Variants in RNF130 observed in about 807,000 individuals in gnomAD.
RNF130 encodes ring finger protein 130.
A neutral mutation model predicts 44.6 loss-of-function variants in RNF130; 21 were observed. That is an observed-to-expected ratio of 0.47 (90% confidence interval 0.33 to 0.68). RNF130 has a LOEUF of 0.68. RNF130 is among the 30% of genes least tolerant of loss of function. The pLI, the probability that RNF130 is intolerant of heterozygous loss-of-function variation, is 0.02. For missense variants in RNF130, 479 were observed against 560.6 expected, an observed-to-expected ratio of 0.85 and a Z score of 1.47; for synonymous variants, 214 against 210.4, an observed-to-expected ratio of 1.02 and a Z score of -0.15.
intron 7 of RNF130, among the ~76,000 whole-genome samples, chr5:179,935,606 C>G (rs1401823815): frequency 2.0e-5 from 3 of 151,950 alleles, no homozygotes; most frequent in Non-Finnish European, 2.9e-5. Context: ...GGACTTAAAT[C>G]CATAATTACA....
intron 7 of RNF130, among the ~76,000 whole-genome samples, chr5:179,940,290 G>A (rs1043580976): frequency 3.0e-4 from 45 of 150,792 alleles, no homozygotes; most frequent in African/African-American, 1.1e-3. Context: ...GTGCGATCTC[G>A]GCTCACTGCA....
chr5:180,060,095 G>C (rs1423017504), intron 1 of RNF130, among the ~76,000 whole-genome samples: 2 of 152,202 alleles, frequency 1.3e-5, no homozygotes, highest in Non-Finnish European at 2.9e-5. Context: ...AACACAGGCA[G>C]CTTCTACAAG....
intron 3 of RNF130, among the ~76,000 whole-genome samples, chr5:179,991,534 G>T (rs77406634): frequency 0.038 from 5,761 of 152,158 alleles, 143 homozygotes; most frequent in South Asian, 0.1. Flanking sequence ...TTGTTCTTTT[G>T]AAGTTTTTCT....
intron 7 of RNF130, among the ~76,000 whole-genome samples, chr5:179,926,656 AAAAT>A (rs1204168177): frequency 1.3e-5 from 2 of 152,170 alleles, no homozygotes; most frequent in Non-Finnish European, 2.9e-5. Context: ...TCAAAAAAAT[AAAAT>A]AAATAAATAA....
intron 2 of RNF130, among the ~76,000 whole-genome samples, chr5:180,033,338 ATTTCTT>A (rs1175747459): frequency 6.6e-6 from 1 of 152,156 alleles, no homozygotes; most frequent in Non-Finnish European, 1.5e-5. Flanking sequence ...CAATTCTTAC[ATTTCTT>A]TTTAACAAGT....
At chr5:180,040,420 A>G in intron 2 of RNF130, 33 bp downstream of exon 2, 1 of 1,588,498 alleles carries the variant, frequency 6.3e-7, no homozygotes, top group Non-Finnish European at 8.6e-7. Flanking sequence ...TCTAAGAAGA[A>G]AAACAAAATC....
intron 7 of RNF130, among the ~76,000 whole-genome samples, chr5:179,934,810 C>T (rs927573008): frequency 2.0e-5 from 3 of 152,068 alleles, no homozygotes; most frequent in Non-Finnish European, 4.4e-5. Context: ...TCCCGGGTCA[C>T]GTAATTCCAG....
In RNF130 at chr5:179,955,670, C is replaced by A; in HGVS notation, c.1245-1G>T. 1 of 1,580,152 alleles carries A rather than the reference C, an allele frequency of 6.3e-7. No homozygotes were observed. Among genetic ancestry groups the A allele is most frequent in the Non-Finnish European group, 8.6e-7 (1 of 1,164,212 alleles). On this transcript the variant is annotated splice_acceptor_variant, in intron 8 of 8. Coordinates refer to ENST00000521389, the MANE Select transcript of RNF130 (RefSeq NM_018434.6). LOFTEE classifies it high-confidence loss of function. ...TTTTCTTCTTCAAAACCATTCTACC[C>A]TATGGAATAAAAGGAAAAAAGAGGT...
chr5:179,944,368 CTTCA>C (rs1425169396), intron 7 of RNF130, among the ~76,000 whole-genome samples: 2 of 152,162 alleles, frequency 1.3e-5, no homozygotes, highest in Non-Finnish European at 2.9e-5. Context: ...ATGATGGAAA[CTTCA>C]TTGTGTTCCT....
intron 3 of RNF130, among the ~76,000 whole-genome samples, chr5:180,003,638 T>C (rs569925025): frequency 6.6e-6 from 1 of 152,374 alleles, no homozygotes; most frequent in African/African-American, 2.4e-5. Flanking sequence ...TAAGTGTCTA[T>C]GTATGTGTGT....
chr5:180,047,714 A>C (rs1487052924), intron 1 of RNF130, among the ~76,000 whole-genome samples: 1 of 152,220 alleles, frequency 6.6e-6, no homozygotes, highest in East Asian at 1.9e-4. Context: ...ACTCCACTCC[A>C]GCCTGGGCGA....
At chr5:180,062,621 AG>A (rs1765012523) in intron 1 of RNF130, among the ~76,000 whole-genome samples, 1 of 152,262 alleles carries the variant, frequency 6.6e-6, no homozygotes, top group South Asian at 2.1e-4. Context: ...TGAAGCCTAA[AG>A]GTTAGAGGAC....
chr5:179,934,278 T>C (rs1761855650), intron 7 of RNF130: 1 of 155,654 alleles, frequency 6.4e-6, no homozygotes, highest in Admixed American at 6.4e-5. Flanking sequence ...ATTTACATTA[T>C]TGTGAAATGC....
At chr5:179,979,703 T>C (rs1561678642) in intron 4 of RNF130, among the ~76,000 whole-genome samples, 1 of 152,198 alleles carries the variant, frequency 6.6e-6, no homozygotes, top group African/African-American at 2.4e-5. Context: ...GGGATGACCC[T>C]GACACACTTT....
At chr5:180,029,344 T>C (rs967582420) in intron 2 of RNF130, among the ~76,000 whole-genome samples, 2 of 152,186 alleles carry the variant, frequency 1.3e-5, no homozygotes, top group Admixed American at 6.5e-5. Context: ...AGGTGATGAA[T>C]ATGTGACAGG....
chr5:179,973,627 C>T (rs1561675730), intron 5 of RNF130, among the ~76,000 whole-genome samples: 1 of 152,186 alleles, frequency 6.6e-6, no homozygotes, highest in Non-Finnish European at 1.5e-5. Context: ...TTCCCGCACG[C>T]CTGACCGCGC....
chr5:180,071,644 C>T lies in RNF130; in HGVS notation c.59G>A (p.Cys20Tyr). ...GTCTGCCCGTGCCGGCCACAGGCTG[C>T]AGGTCAGCAGGGCGAGCGCGGCGAG... ...ARLAALALLT[C>Y]SLWPARADNA... The change falls in exon 1 of 9, where the codon TGC becomes TAC. Residue 20 changes from cysteine to tyrosine, a missense_variant. Cys to Tyr is a radical substitution (Grantham distance 194, BLOSUM62 -2). Coordinates refer to ENST00000521389, the MANE Select transcript of RNF130 (RefSeq NM_018434.6). 6.7e-7 allele frequency: 1 copy of T among 1,484,692 alleles called. No homozygotes were observed. The highest frequency in any genetic ancestry group is 9.0e-7 in the Non-Finnish European group (1 of 1,116,352). The allele number at this position is 1,484,692 out of a possible 1,614,324, so 92.0% of individuals were successfully genotyped here.
chr5:179,983,997 C>T (rs576842296), intron 3 of RNF130, among the ~76,000 whole-genome samples: 1 of 152,244 alleles, frequency 6.6e-6, no homozygotes, highest in East Asian at 1.9e-4. Context: ...AATCTTCCTA[C>T]CTCAGCCTCA....
At chr5:179,934,406 A>G (rs1177399988) in intron 7 of RNF130, among the ~76,000 whole-genome samples, 1 of 152,132 alleles carries the variant, frequency 6.6e-6, no homozygotes, top group Non-Finnish European at 1.5e-5. Flanking sequence ...TAATGTCTGT[A>G]GGCTTTGCAG....
Sources: gnomAD v4.1 joint callset for allele counts (sites outside exome capture counted in the v4.1 genomes callset) on GRCh38, gnomAD v4.1.1 for gene constraint, MANE v1.5 for transcripts, NCBI Gene and HGNC (gene_info 2026-07-23, HGNC 2026-07-21) for gene names.